Variants in EMP2 observed in about 807,000 individuals in gnomAD.
The protein encoded by EMP2 is epithelial membrane protein 2.
EMP2 carries 19 observed loss-of-function variants against 13.7 expected under a neutral mutation model. The ratio of observed to expected loss-of-function variants is 1.38; its 90% confidence interval spans 0.97 to 2.03. The LOEUF (loss-of-function observed/expected upper bound fraction) is 2.03. Ranked by LOEUF, EMP2 falls within the 30% of genes most tolerant of loss-of-function variation. The pLI is 0.00. For missense variants in EMP2, 253 were observed against 220.7 expected (o/e 1.15, Z -0.93); for synonymous variants, 97 against 84.7 (o/e 1.15, Z -0.80).
intron 4 of EMP2, among the ~76,000 whole-genome samples, chr16:10,535,271 G>A (rs540265923): frequency 1.3e-5 from 2 of 152,128 alleles, no homozygotes; most frequent in Non-Finnish European, 2.9e-5. Flanking sequence ...GGGAGAATGG[G>A]ATGCTATGCA....
rs180905894 is a variant in EMP2 at position 10,547,972 on chromosome 16, C to T, written c.-60-295G>A. ...TTGCTTGAGACTGGGAGGTTGAGGA[C>T]GCAGTGAGCCATAATTGCGCCACTG... is the stretch of plus-strand genomic sequence containing the variant. On this transcript the variant is annotated intron_variant, in intron 1 of 4. Coordinates refer to ENST00000359543, the MANE Select transcript of EMP2 (RefSeq NM_001424.6). Among the ~76,000 whole-genome samples the T allele has an allele frequency of 2.6e-3, 398 of 152,196 alleles. 3 individuals are homozygous for T. The highest frequency in any genetic ancestry group is 0.01 in the South Asian group (49 of 4,810).
intron 1 of EMP2, among the ~76,000 whole-genome samples, chr16:10,551,347 C>A (rs1265719879): frequency 1.3e-5 from 2 of 152,140 alleles, no homozygotes; most frequent in African/African-American, 2.4e-5. Flanking sequence ...ATGTAAAGAT[C>A]CTCTCTCAAG....
Position 10,529,549 on chromosome 16 carries a change from C to G in EMP2, c.*3356G>C, listed in dbSNP as rs1239347874. ...AACACAGATACTCATGTAGCCCCGACGTTTCTTGTGAAGGGAATTGATGTA... is the reference window on the plus strand; with the variant it reads ...AACACAGATACTCATGTAGCCCCGAGGTTTCTTGTGAAGGGAATTGATGTA... On this transcript the variant is annotated 3_prime_UTR_variant, in exon 5 of 5. Coordinates refer to ENST00000359543, the MANE Select transcript of EMP2 (RefSeq NM_001424.6). The G allele has an allele frequency of 6.6e-6, 1 of 152,184 alleles. No homozygotes were observed. The highest frequency in any genetic ancestry group is 1.5e-5 in the Non-Finnish European group (1 of 68,048). The allele number at this position is 152,184 out of a possible 1,614,324, so 9.4% of individuals were successfully genotyped here.
At chr16:10,562,386 A>ATCTC (rs1272515047) in intron 1 of EMP2, among the ~76,000 whole-genome samples, 23 of 107,970 alleles carry the variant, frequency 2.1e-4, no homozygotes, top group African/African-American at 6.9e-4. Context: ...CTCTCTATCT[A>ATCTC]TCTCTCTCTC....
chr16:10,542,378 A>T (rs1016284335), intron 3 of EMP2, among the ~76,000 whole-genome samples: 1 of 152,150 alleles, frequency 6.6e-6, no homozygotes. Context: ...AGCCTGGGTG[A>T]CAGAGTGAGA....
chr16:10,538,096 G>A (rs766538687), intron 3 of EMP2, 22 bp from the exon 4 acceptor site: 40 of 1,611,224 alleles, frequency 2.5e-5, no homozygotes, highest in South Asian at 1.8e-4. Context: ...GGGCAGGGGC[G>A]CAGGACTGAG....
Position 10,547,645 on chromosome 16 carries a change from A to AG in EMP2, c.-29dup. The AG allele has an allele frequency of 6.2e-7, 1 of 1,612,886 alleles. No individual in the cohort carries two copies. Among genetic ancestry groups the AG allele is most frequent in the South Asian group, 1.1e-5 (1 of 90,970 alleles). On this transcript the variant is annotated 5_prime_UTR_variant, in exon 2 of 5. Transcript: ENST00000359543. ...TCACAGGGCAGGGCGAGTCGAGGCG[A>AG]GGGGTCACGTTTAAAGCCCAGAGCG...
chr16:10,562,608 C>T (rs1353914732), intron 1 of EMP2, among the ~76,000 whole-genome samples: 2 of 152,126 alleles, frequency 1.3e-5, no homozygotes, highest in Non-Finnish European at 2.9e-5. Flanking sequence ...CCCAAATTCC[C>T]CATCTATAGA....
chr16:10,561,839 TA>T (rs1372850032), intron 1 of EMP2, among the ~76,000 whole-genome samples: 19 of 152,074 alleles, frequency 1.2e-4, no homozygotes, highest in Non-Finnish European at 1.0e-4. Context: ...TTCAAGGAGC[TA>T]AAGGGCTAAT....
Position 10,532,881 on chromosome 16 carries a change from C to T in EMP2, c.*24G>A, listed in dbSNP as rs1259761794. On this transcript the variant is annotated 3_prime_UTR_variant, in exon 5 of 5. Coordinates refer to ENST00000359543, the MANE Select transcript of EMP2 (RefSeq NM_001424.6). ...TCTGAATGTGGATTCTGTACTGCAG[C>T]AGAAGCAACCCAGCTCCGGAACTCT... The T allele has an allele frequency of 7.1e-7, 1 of 1,400,180 alleles. No homozygotes were observed. The highest frequency in any genetic ancestry group is 9.4e-7 in the Non-Finnish European group (1 of 1,064,858). 86.7% of individuals were successfully genotyped at this position (1,400,180 alleles called of 1,614,324 possible).
intron 4 of EMP2, among the ~76,000 whole-genome samples, chr16:10,534,994 C>T (rs1170604880): frequency 6.6e-6 from 1 of 152,148 alleles, no homozygotes; most frequent in Non-Finnish European, 1.5e-5. Context: ...AAACAGTGAC[C>T]CTGTCAGGGT....
At chr16:10,569,732 C>T (rs186059432) in intron 1 of EMP2, among the ~76,000 whole-genome samples, 5 of 152,324 alleles carry the variant, frequency 3.3e-5, no homozygotes, top group South Asian at 2.1e-4. Flanking sequence ...TCTTTAACAT[C>T]GCCTGTATGC....
At chr16:10,555,875 T>C (rs934668460) in intron 1 of EMP2, among the ~76,000 whole-genome samples, 3 of 152,184 alleles carry the variant, frequency 2.0e-5, no homozygotes, top group African/African-American at 7.2e-5. Context: ...GCATGAGCCA[T>C]GACACCTCGC....
At chr16:10,536,519 G>A (rs1343650664) in intron 4 of EMP2, among the ~76,000 whole-genome samples, 12 of 152,168 alleles carry the variant, frequency 7.9e-5, no homozygotes, top group Non-Finnish European at 1.5e-4. Context: ...CTTTCCCGCT[G>A]CCATGTAAGC....
intron 1 of EMP2, among the ~76,000 whole-genome samples, chr16:10,565,769 T>A (rs527912289): frequency 5.3e-5 from 8 of 152,282 alleles, no homozygotes; most frequent in Admixed American, 4.6e-4. Context: ...GCCAGCACCA[T>A]GGGAACCCAT....
chr16:10,569,952 A>G (rs1391701335), intron 1 of EMP2, among the ~76,000 whole-genome samples: 1 of 152,222 alleles, frequency 6.6e-6, no homozygotes, highest in East Asian at 1.9e-4. Context: ...GACCCTAGTG[A>G]CTTCTCAGGG....
At position 10,532,016 on chromosome 16, in the gene EMP2, G is replaced by C. The variant is rs978635745; in HGVS notation, c.*889C>G. 1 of 154,784 alleles carries C rather than the reference G, an allele frequency of 6.5e-6. No individual in the cohort carries two copies. The highest frequency in any genetic ancestry group is 1.5e-5 in the Non-Finnish European group (1 of 68,276). The allele number at this position is 154,784 out of a possible 1,614,324, so 9.6% of individuals were successfully genotyped here. Reference sequence around the variant, plus strand: ...GGCCAAGGTTTTGGCCTGCTGTGGGGGTTGCATTCACCTCCCCATCTCCAC... The same window carrying C: ...GGCCAAGGTTTTGGCCTGCTGTGGGCGTTGCATTCACCTCCCCATCTCCAC... On this transcript the variant is annotated 3_prime_UTR_variant, in exon 5 of 5. Coordinates refer to ENST00000359543, the MANE Select transcript of EMP2 (RefSeq NM_001424.6).
chr16:10,543,586 G>A lies in EMP2; in HGVS notation c.153C>T (p.Ile51=). 3.1e-6 allele frequency: 5 copies of A among 1,614,232 alleles called. No homozygotes were observed. The highest frequency in any genetic ancestry group is 4.2e-6 in the Non-Finnish European group (5 of 1,180,016). The change falls in exon 3 of 5, where the codon ATC becomes ATT. Residue 51 remains isoleucine (I), a synonymous_variant. Transcript: ENST00000359543. ...ICTNNTNCTV[I]NDSFQEYSTL... ...CACACTTACCTTGAAAGCTGTCATT[G>A]ATGACTGTGCAATTCGTGTTGTTGG...
Position 10,532,214 on chromosome 16 carries a change from C to T in EMP2, c.*691G>A, listed in dbSNP as rs142081949. On this transcript the variant is annotated 3_prime_UTR_variant, in exon 5 of 5. Coordinates refer to ENST00000359543, the MANE Select transcript of EMP2 (RefSeq NM_001424.6). ...TAGGTCTGGGGTGAGGGGGGGGGCG[C>T]TGTAGGTTTTGCCTAAAGACGAGTC... is the stretch of plus-strand genomic sequence containing the variant. 7.1e-5 allele frequency: 11 copies of T among 154,486 alleles called. No homozygotes were observed. The highest frequency in any genetic ancestry group is 2.4e-4 in the African/African-American group (10 of 41,422). 9.6% of individuals were successfully genotyped at this position (154,486 alleles called of 1,614,324 possible).
Sources: gnomAD v4.1 joint callset for allele counts (sites outside exome capture counted in the v4.1 genomes callset) on GRCh38, gnomAD v4.1.1 for gene constraint, MANE v1.5 for transcripts, NCBI Gene and HGNC (gene_info 2026-07-23, HGNC 2026-07-21) for gene names.